The following CHD6 variants were observed in gnomAD, a reference collection of about 807,000 sequenced individuals.
The protein encoded by CHD6 is chromodomain helicase DNA binding protein 6.
CHD6 carries 50 observed loss-of-function variants against 276.9 expected under a neutral mutation model. That is an observed-to-expected ratio of 0.18 (90% CI 0.14 to 0.23). CHD6 has a LOEUF of 0.23. Ranked by LOEUF, CHD6 falls within the 10% of genes least tolerant of loss-of-function variation. The pLI is 1.00. For synonymous variants in CHD6, 1,173 were observed against 1,229.3 expected (o/e 0.95, Z 0.96); for missense variants, 2,564 against 3,365.8 (o/e 0.76, Z 5.89).
At position 41,512,883 on chromosome 20, in the gene CHD6, G is replaced by T. The variant is rs770225510; in HGVS notation, c.815C>A (p.Ser272Tyr). 1.2e-6 allele frequency: 2 copies of T among 1,614,044 alleles called. No individual in the cohort carries two copies. Among genetic ancestry groups the T allele is most frequent in the East Asian group, 2.2e-5 (1 of 44,862 alleles). The change falls in exon 5 of 37, where the codon TCT becomes TAT. Residue 272 changes from serine to tyrosine, a missense_variant. Physicochemically the swap from Ser to Tyr is moderately radical, Grantham distance 144. Around this residue, in one of 7 missense-constraint regions of CHD6, gnomAD observed 457 missense variants for 889.0 expected, o/e 0.51. Transcript: ENST00000373233. ...GGCCAGTGTAGAGGCTGAGAGTGCA[G>T]ATGTTCGACCAGCTCCAAGAACAGC... ...TIAVLGAGRTSALSASTLAWQ... is the reference protein window; with the variant it reads ...TIAVLGAGRTYALSASTLAWQ...
intron 1 of CHD6, among the ~76,000 whole-genome samples, chr20:41,568,555 C>T (rs763586234): frequency 2.0e-5 from 3 of 152,208 alleles, no homozygotes; most frequent in Non-Finnish European, 2.9e-5. Flanking sequence ...GCAAGTCAAT[C>T]TATAATTGGA....
At position 41,451,095 on chromosome 20, in the gene CHD6, G is replaced by C. The variant is rs750792794; in HGVS notation, c.3534C>G (p.Ala1178=). ...TCCCCTTCCTCCCTCTGGGGACTGG[G>C]GCAGATAAGCCTGAAACAGAAAGAC... ...QTLQNHSGLS[A]PVPRGRKGKK... Residue 1178 remains alanine, a synonymous_variant, in exon 23 of 37, where the codon GCC becomes GCG. Transcript: ENST00000373233. 6.2e-7 allele frequency: 1 copy of C among 1,613,740 alleles called. No homozygotes were observed. The highest frequency in any genetic ancestry group is 1.1e-5 in the South Asian group (1 of 90,982).
intron 5 of CHD6, among the ~76,000 whole-genome samples, chr20:41,507,567 T>A (rs1228531417): frequency 2.6e-5 from 4 of 152,190 alleles, no homozygotes; most frequent in Non-Finnish European, 4.4e-5. Context: ...GGATCTTTTT[T>A]TTCCTGAACA....
At chr20:41,583,302 T>C (rs2045559959) in intron 1 of CHD6, among the ~76,000 whole-genome samples, 1 of 151,910 alleles carries the variant, frequency 6.6e-6, no homozygotes. Context: ...AGACATTACC[T>C]TGGAAGAAGA....
rs1451888003 is a variant in CHD6 at position 41,451,011 on chromosome 20, G to T, written c.3618C>A (p.Thr1206=). Reference sequence around the variant, plus strand: ...CATGCAAGACCACCTCGGGGTTGCAGGTGGCTAGCCAATCTGCATCCTTTA... The same window carrying T: ...CATGCAAGACCACCTCGGGGTTGCATGTGGCTAGCCAATCTGCATCCTTTA... ...PELKDADWLA[T]CNPEVVLHDD... The change falls in exon 23 of 37, where the codon ACC becomes ACA. Residue 1206 remains threonine, a synonymous_variant. Transcript: ENST00000373233. 2 of 1,614,022 alleles carry T rather than the reference G, an allele frequency of 1.2e-6. No homozygotes were observed. Among genetic ancestry groups the T allele is most frequent in the Admixed American group, 3.3e-5 (2 of 60,026 alleles).
chr20:41,404,518 G>C lies in CHD6; in HGVS notation c.*75C>G. 1 of 1,438,384 alleles carries C rather than the reference G, an allele frequency of 7.0e-7. No homozygotes were observed. Among genetic ancestry groups the C allele is most frequent in the South Asian group, 1.9e-5 (1 of 52,518 alleles). The allele number at this position is 1,438,384 out of a possible 1,614,324, so 89.1% of individuals were successfully genotyped here. On this transcript the variant is annotated 3_prime_UTR_variant, in exon 37 of 37. Coordinates refer to ENST00000373233, the MANE Select transcript of CHD6 (RefSeq NM_032221.5). ...TGGAAACACAGGTTCTTATGGAGGT[G>C]AAGTGAGGGAAGTAACAAACCTTTA...
chr20:41,579,774 G>A (rs940455371), intron 1 of CHD6, among the ~76,000 whole-genome samples: 2 of 152,052 alleles, frequency 1.3e-5, no homozygotes, highest in Non-Finnish European at 2.9e-5. Context: ...CAAAGAAACT[G>A]ACCACTAAAA....
chr20:41,601,463 G>A (rs962672285), intron 1 of CHD6, among the ~76,000 whole-genome samples: 6 of 152,178 alleles, frequency 3.9e-5, no homozygotes, highest in Admixed American at 2.6e-4. Flanking sequence ...CTAGGACAGT[G>A]TTATTTTTAG....
Position 41,609,783 on chromosome 20 carries a change from G to T in CHD6, c.-24+8557C>A, listed in dbSNP as rs1002048231. 4.1e-4 allele frequency among the ~76,000 whole-genome samples: 62 copies of T among 150,730 alleles called. 1 individual carries two copies. The highest frequency in any genetic ancestry group is 1.4e-3 in the African/African-American group (57 of 40,988). On this transcript the variant is annotated intron_variant, in intron 1 of 36. Coordinates refer to ENST00000373233, the MANE Select transcript of CHD6 (RefSeq NM_032221.5). ...ACTGCTGTATGATTAGACTCACTTT[G>T]TTACGACTGGACAGTATTTTTAAAG...
chr20:41,409,364 A>G (rs2046777116), intron 36 of CHD6, among the ~76,000 whole-genome samples: 2 of 152,206 alleles, frequency 1.3e-5, no homozygotes, highest in Admixed American at 1.3e-4. Context: ...CGGAGGGGGC[A>G]AAGGGAACAA....
At chr20:41,521,172 C>A (rs565087092) in intron 3 of CHD6, among the ~76,000 whole-genome samples, 2 of 152,170 alleles carry the variant, frequency 1.3e-5, no homozygotes, top group Non-Finnish European at 2.9e-5. Flanking sequence ...GCTGAAACAA[C>A]TGAATCCATG....
At chr20:41,419,617 T>C (rs933226878) in intron 31 of CHD6, among the ~76,000 whole-genome samples, 1 of 141,294 alleles carries the variant, frequency 7.1e-6, no homozygotes, top group African/African-American at 2.6e-5. Flanking sequence ...GGGACTTAGC[T>C]TAGCTCCTCT....
intron 1 of CHD6, among the ~76,000 whole-genome samples, chr20:41,583,080 CA>C (rs1251300367): frequency 6.6e-6 from 1 of 151,736 alleles, no homozygotes; most frequent in Non-Finnish European, 1.5e-5. Flanking sequence ...CAGTATTTGG[CA>C]GGGGGGAAAA....
intron 8 of CHD6, chr20:41,496,920 C>G (rs1319848389): frequency 6.2e-6 from 1 of 162,564 alleles, no homozygotes; most frequent in African/African-American, 2.4e-5. Flanking sequence ...ATATTAAAAT[C>G]CATCAGTCCT....
At chr20:41,542,340 G>T (rs2044959168) in intron 2 of CHD6, among the ~76,000 whole-genome samples, 1 of 152,154 alleles carries the variant, frequency 6.6e-6, no homozygotes, top group Admixed American at 6.5e-5. Flanking sequence ...CCAAAACTTA[G>T]GCCAACTCTG....
At chr20:41,561,420 C>T (rs1461171549) in intron 1 of CHD6, among the ~76,000 whole-genome samples, 1 of 152,156 alleles carries the variant, frequency 6.6e-6, no homozygotes, top group Non-Finnish European at 1.5e-5. Context: ...AACCTTGAAA[C>T]TCCTTTCAAT....
Position 41,402,482 on chromosome 20 carries a change from C to T in CHD6, c.*2111G>A, listed in dbSNP as rs1450216132. 1 of 230,996 alleles carries T rather than the reference C, an allele frequency of 4.3e-6. No individual in the cohort carries two copies. The highest frequency in any genetic ancestry group is 8.6e-6 in the Non-Finnish European group (1 of 116,726). 14.3% of individuals were successfully genotyped at this position (230,996 alleles called of 1,614,324 possible). A position where few individuals can be genotyped will look rare whatever the true frequency, so the allele number is the denominator to read the frequency against. Reference sequence around the variant, plus strand: ...GACCTACCGGAGGTTATAAGTGGAACCCGGGGAAAGCAGCTTTTCCATACA... The same window carrying T: ...GACCTACCGGAGGTTATAAGTGGAATCCGGGGAAAGCAGCTTTTCCATACA... On this transcript the variant is annotated 3_prime_UTR_variant, in exon 37 of 37. Transcript: ENST00000373233.
intron 16 of CHD6, among the ~76,000 whole-genome samples, chr20:41,477,748 A>T (rs998655709): frequency 3.9e-5 from 6 of 152,222 alleles, no homozygotes; most frequent in Non-Finnish European, 8.8e-5. Flanking sequence ...CTAATTTAAT[A>T]GTGCAGAACA....
chr20:41,590,422 C>G (rs1163750000), intron 1 of CHD6, among the ~76,000 whole-genome samples: 1 of 152,180 alleles, frequency 6.6e-6, no homozygotes, highest in Non-Finnish European at 1.5e-5. Context: ...TCAGAGTGAA[C>G]AGGCACCCAC....
Sources: gnomAD v4.1 joint callset for allele counts (sites outside exome capture counted in the v4.1 genomes callset) on GRCh38, gnomAD v4.1.1 for gene constraint, gnomAD v4.1.1 regional missense constraint, MANE v1.5 for transcripts, NCBI Gene and HGNC (gene_info 2026-07-23, HGNC 2026-07-21) for gene names.